UNC13C: variants seen among roughly 807,000 people sequenced by gnomAD.
UNC13C encodes protein unc-13 homolog C.
Under a neutral mutation model 245.4 loss-of-function variants are expected in UNC13C, and 174 were observed. That is an observed-to-expected ratio of 0.71 (90% confidence interval 0.63 to 0.80). The LOEUF is 0.80. Among genes scored for constraint, UNC13C ranks in the 30% least tolerant of loss-of-function variants. UNC13C has a pLI of 0.00. For synonymous variants in UNC13C, 992 were observed against 895.1 expected (o/e 1.11, Z -1.93); for missense variants, 2,829 against 2,602.9 (o/e 1.09, Z -1.89).
At chr15:54,626,051 T>C (rs920853041) in intron 32 of UNC13C, among the ~76,000 whole-genome samples, 2 of 152,246 alleles carry the variant, frequency 1.3e-5, no homozygotes, top group African/African-American at 4.8e-5. Flanking sequence ...AAGGAAGGAA[T>C]TTGGAAGCTG....
At chr15:54,506,510 C>T (rs950036314) in intron 22 of UNC13C, among the ~76,000 whole-genome samples, 1 of 152,006 alleles carries the variant, frequency 6.6e-6, no homozygotes, top group Non-Finnish European at 1.5e-5. Context: ...CATATTATCA[C>T]GTTACTGTGT....
intron 18 of UNC13C, among the ~76,000 whole-genome samples, chr15:54,411,841 G>C (rs2040422624): frequency 6.6e-6 from 1 of 152,206 alleles, no homozygotes; most frequent in Admixed American, 6.5e-5. Context: ...AATTCTGCTA[G>C]AATTTTGATT....
At chr15:54,580,513 G>C (rs1050357842) in intron 30 of UNC13C, among the ~76,000 whole-genome samples, 2 of 152,206 alleles carry the variant, frequency 1.3e-5, no homozygotes, top group African/African-American at 2.4e-5. Context: ...CATGTGCTCT[G>C]GTTCTGCCTG....
chr15:54,496,974 A>G (rs1375277383), intron 20 of UNC13C, among the ~76,000 whole-genome samples: 2 of 152,140 alleles, frequency 1.3e-5, no homozygotes, highest in East Asian at 1.9e-4. Context: ...TTGAAATGAA[A>G]AAAATTTAAA....
the UNC13C span, among the ~76,000 whole-genome samples, chr15:53,963,098 G>A: frequency 1.3e-5 from 2 of 152,134 alleles, no homozygotes; most frequent in South Asian, 4.1e-4. Flanking sequence ...ATGTTTTAAT[G>A]ACCCTTCAGC....
chr15:54,117,533 C>CTT (rs1370132264), intron 2 of UNC13C, among the ~76,000 whole-genome samples: 1 of 132,024 alleles, frequency 7.6e-6, no homozygotes, highest in Non-Finnish European at 1.6e-5. Context: ...TTCTCTCTCT[C>CTT]TCTCTCTCTC....
intron 17 of UNC13C, among the ~76,000 whole-genome samples, chr15:54,367,231 T>G (rs1353735804): frequency 6.6e-6 from 1 of 152,180 alleles, no homozygotes; most frequent in African/African-American, 2.4e-5. Flanking sequence ...GTTCTTCCCA[T>G]GTATGGCTCA....
the UNC13C span, among the ~76,000 whole-genome samples, chr15:53,891,903 A>G: frequency 6.6e-6 from 1 of 152,218 alleles, no homozygotes; most frequent in African/African-American, 2.4e-5. Context: ...TCCTGTCATT[A>G]TGATGCTGGC....
Position 54,374,891 on chromosome 15 carries a change from C to T in UNC13C, c.4714-18157C>T, listed in dbSNP as rs775126240. On this transcript the variant is annotated intron_variant, in intron 17 of 32. Transcript: ENST00000260323. ...CGCTAAGCTCTGGAGAGATTCTGAG[C>T]AGATCACTGCAGTATCCATGATAGA... Among the ~76,000 whole-genome samples the T allele has an allele frequency of 1.7e-4, 26 of 152,240 alleles. 1 individual carries two copies. The highest frequency in any genetic ancestry group is 1.1e-3 in the Admixed American group (17 of 15,284).
chr15:54,074,076 C>T (rs535973077), intron 2 of UNC13C, among the ~76,000 whole-genome samples: 8 of 152,160 alleles, frequency 5.3e-5, no homozygotes, highest in South Asian at 4.1e-4. Flanking sequence ...GGAAGGAGTC[C>T]GGTTTCAGTT....
chr15:53,936,938 A>C, the UNC13C span, among the ~76,000 whole-genome samples: 1 of 152,190 alleles, frequency 6.6e-6, no homozygotes, highest in Admixed American at 6.5e-5. Context: ...AATCAATGCA[A>C]AAATGCTGAA....
intron 4 of UNC13C, among the ~76,000 whole-genome samples, chr15:54,220,462 G>C (rs2035188809): frequency 7.6e-6 from 1 of 132,434 alleles, no homozygotes; most frequent in East Asian, 2.5e-4. Flanking sequence ...AGGGGGAGGG[G>C]GGAGGGATAG....
chr15:54,074,093 A>G (rs886882429), intron 2 of UNC13C, among the ~76,000 whole-genome samples: 16 of 151,844 alleles, frequency 1.1e-4, no homozygotes, highest in African/African-American at 2.9e-4. Flanking sequence ...AGTTTTCTGC[A>G]TATGGCTAGC....
At chr15:54,045,441 C>G (rs552206533) in intron 2 of UNC13C, among the ~76,000 whole-genome samples, 29 of 152,210 alleles carry the variant, frequency 1.9e-4, no homozygotes, top group African/African-American at 6.5e-4. Flanking sequence ...TACAATTGCT[C>G]TCTTCAGTAT....
At chr15:54,059,933 G>C (rs1566981821) in intron 2 of UNC13C, among the ~76,000 whole-genome samples, 1 of 152,172 alleles carries the variant, frequency 6.6e-6, no homozygotes, top group East Asian at 1.9e-4. Context: ...GCTGAAACTG[G>C]ATCCCTTCCT....
intron 14 of UNC13C, among the ~76,000 whole-genome samples, chr15:54,324,249 C>T (rs1039071610): frequency 3.3e-5 from 5 of 151,994 alleles, no homozygotes; most frequent in Admixed American, 2.6e-4. Context: ...GGTTTTTATT[C>T]ACCTAACTGT....
intron 19 of UNC13C, among the ~76,000 whole-genome samples, chr15:54,447,951 C>A (rs902013454): frequency 3.6e-4 from 55 of 152,292 alleles, no homozygotes; most frequent in African/African-American, 1.3e-3. Context: ...TTATATGTGT[C>A]CCAGAGATTC....
At chr15:54,196,281 C>G (rs1381435449) in intron 4 of UNC13C, among the ~76,000 whole-genome samples, 1 of 151,760 alleles carries the variant, frequency 6.6e-6, no homozygotes, top group East Asian at 1.9e-4. Context: ...GTCAACTGTT[C>G]TGGGGCAAAT....
chr15:54,609,625 C>T (rs1166652545), intron 30 of UNC13C, among the ~76,000 whole-genome samples: 1 of 152,166 alleles, frequency 6.6e-6, no homozygotes, highest in African/African-American at 2.4e-5. Flanking sequence ...AAAGCTAATA[C>T]ACTCAGCCAA....
Sources: gnomAD v4.1 joint callset for allele counts (sites outside exome capture counted in the v4.1 genomes callset) on GRCh38, gnomAD v4.1.1 for gene constraint, MANE v1.5 for transcripts, NCBI Gene and HGNC (gene_info 2026-07-23, HGNC 2026-07-21) for gene names.